THADA: variants seen among roughly 807,000 people sequenced by gnomAD.
THADA encodes the protein tRNA (32-2'-O)-methyltransferase regulator THADA.
In THADA, 213 loss-of-function variants were observed where a neutral mutation model predicts 219.8. The ratio of observed to expected loss-of-function variants is 0.97; its 90% CI spans 0.87 to 1.09. The LOEUF (loss-of-function observed/expected upper bound fraction) is 1.09. Ranked by LOEUF, THADA falls within the 50% of genes least tolerant of loss-of-function variation. The pLI is 0.00. For synonymous variants in THADA, 1,018 were observed against 828.9 expected (o/e 1.23, Z -3.92); for missense variants, 2,956 against 2,311.3 (o/e 1.28, Z -5.72).
chr2:43,232,562 T>C lies in THADA; in HGVS notation c.5466+151A>G, dbSNP rs998073250. ...AGAAGTCAGCCTAAGAGTGTCCCCG[T>C]GTCCTCGGCAGCACCCAGTGGGTGA... On this transcript the variant is annotated intron_variant, in intron 37 of 37. Transcript: ENST00000405975. 3 of 798,300 alleles carry C rather than the reference T, an allele frequency of 3.8e-6. No homozygotes were observed. The African/African-American group carries it at 5.2e-5, about 14-fold the overall frequency. The allele number at this position is 798,300 out of a possible 1,614,324, so 49.5% of individuals were successfully genotyped here.
chr2:43,375,620 T>G (rs1170372207), intron 29 of THADA, among the ~76,000 whole-genome samples: 1 of 152,204 alleles, frequency 6.6e-6, no homozygotes, highest in Non-Finnish European at 1.5e-5. Flanking sequence ...CAAAATAATT[T>G]TACACAGAGG....
intron 30 of THADA, among the ~76,000 whole-genome samples, chr2:43,327,574 T>C (rs1679482441): frequency 6.6e-6 from 1 of 152,116 alleles, no homozygotes; most frequent in South Asian, 2.1e-4. Flanking sequence ...TCCCTCCACT[T>C]GACACATATC....
chr2:43,309,307 T>G (rs188153756), intron 31 of THADA, among the ~76,000 whole-genome samples: 11 of 152,356 alleles, frequency 7.2e-5, no homozygotes, highest in African/African-American at 2.6e-4. Context: ...TAAACAATCC[T>G]TATCATATGA....
intron 31 of THADA, among the ~76,000 whole-genome samples, chr2:43,319,668 C>T (rs1350202807): frequency 1.3e-5 from 2 of 152,198 alleles, no homozygotes; most frequent in African/African-American, 2.4e-5. Context: ...GCCTGGTCTG[C>T]TTGCACTCAG....
chr2:43,568,903 AT>A (rs573398906), intron 14 of THADA, among the ~76,000 whole-genome samples: 2 of 152,066 alleles, frequency 1.3e-5, no homozygotes, highest in African/African-American at 2.4e-5. Context: ...ATTAAAAAAA[AT>A]TTTTTTAACT....
intron 26 of THADA, among the ~76,000 whole-genome samples, chr2:43,432,417 G>C (rs1269043190): frequency 2.0e-5 from 3 of 149,208 alleles, no homozygotes. Flanking sequence ...GAATCTGTAA[G>C]TTTGTTTATT....
intron 22 of THADA, among the ~76,000 whole-genome samples, chr2:43,514,350 C>T (rs769259310): frequency 6.7e-6 from 1 of 149,972 alleles, no homozygotes; most frequent in Admixed American, 6.7e-5. Context: ...ACTTGGGAGG[C>T]TGAGGTGGGA....
chr2:43,248,422 G>C (rs773498193), intron 36 of THADA, among the ~76,000 whole-genome samples: 2 of 151,892 alleles, frequency 1.3e-5, no homozygotes, highest in Non-Finnish European at 2.9e-5. Flanking sequence ...AGTACAGATG[G>C]GGTTTTGCCA....
chr2:43,557,344 C>A (rs1390256656), intron 16 of THADA, among the ~76,000 whole-genome samples: 1 of 152,202 alleles, frequency 6.6e-6, no homozygotes, highest in Non-Finnish European at 1.5e-5. Context: ...ACTATCTTTA[C>A]TATTTCTAGA....
At chr2:43,444,421 C>T (rs931425310) in intron 26 of THADA, among the ~76,000 whole-genome samples, 8 of 152,212 alleles carry the variant, frequency 5.3e-5, no homozygotes, top group African/African-American at 1.9e-4. Flanking sequence ...TGGAACGCTG[C>T]TACTCCAGCT....
chr2:43,368,539 G>C (rs1670432441), intron 29 of THADA, among the ~76,000 whole-genome samples: 1 of 151,964 alleles, frequency 6.6e-6, no homozygotes, highest in Non-Finnish European at 1.5e-5. Flanking sequence ...TGGAACTGCA[G>C]GTGTGTGCCA....
At chr2:43,315,772 C>G (rs917763115) in intron 31 of THADA, among the ~76,000 whole-genome samples, 2 of 152,210 alleles carry the variant, frequency 1.3e-5, no homozygotes, top group East Asian at 3.8e-4. Flanking sequence ...CAGCCAGTTA[C>G]ATTATTTTGG....
chr2:43,475,366 C>A (rs1371864162), intron 26 of THADA, among the ~76,000 whole-genome samples: 2 of 147,890 alleles, frequency 1.4e-5, no homozygotes, highest in Non-Finnish European at 3.0e-5. Context: ...TTGCAGTGAG[C>A]CAAGGTTGTG....
At chr2:43,552,143 G>C (rs999770824) in intron 18 of THADA, 61 bp downstream of exon 18, 135 of 1,557,996 alleles carry the variant, frequency 8.7e-5, no homozygotes, top group Non-Finnish European at 1.6e-5. Flanking sequence ...ATTCCAACCA[G>C]AGGTTAAAGC....
chr2:43,273,780 A>C (rs1672406896), intron 36 of THADA, among the ~76,000 whole-genome samples: 2 of 151,964 alleles, frequency 1.3e-5, no homozygotes, highest in African/African-American at 4.8e-5. Context: ...AGGCCTTTCT[A>C]TCTCTCTCCT....
At chr2:43,450,163 C>T (rs1301604909) in intron 26 of THADA, among the ~76,000 whole-genome samples, 5 of 152,114 alleles carry the variant, frequency 3.3e-5, no homozygotes, top group African/African-American at 1.2e-4. Context: ...TATAACTCCA[C>T]TTTTTGTAAT....
intron 21 of THADA, among the ~76,000 whole-genome samples, chr2:43,539,639 T>C (rs971974869): frequency 2.6e-5 from 4 of 152,224 alleles, no homozygotes; most frequent in African/African-American, 9.7e-5. Context: ...CTCACGCCTA[T>C]GTATGTGAGG....
In THADA at chr2:43,556,418, G is replaced by A. The variant is rs769560493; in HGVS notation, c.2601C>T (p.Ala867=). ...CACATGCAACTTGCTGAGTTAAGTA[G>A]GCAGACAAGGATGACGGTAGAGCAT... ...WQDALPSSLS[A]YLTQQVACDN... is the part of the protein sequence containing the mutation. The change falls in exon 17 of 38, where the codon GCC becomes GCT. Residue 867 remains alanine, a synonymous_variant. Coordinates refer to ENST00000405975, the MANE Select transcript of THADA (RefSeq NM_022065.5). The A allele has an allele frequency of 1.2e-6, 2 of 1,613,834 alleles. No homozygotes were observed. Among genetic ancestry groups the A allele is most frequent in the Non-Finnish European group, 1.7e-6 (2 of 1,179,826 alleles).
chr2:43,267,918 AG>A (rs1558491696), intron 36 of THADA, among the ~76,000 whole-genome samples: 2 of 152,338 alleles, frequency 1.3e-5, no homozygotes, highest in Non-Finnish European at 2.9e-5. Flanking sequence ...AAAATACTTC[AG>A]AAAGTCCATT....
Sources: gnomAD v4.1 joint callset for allele counts (sites outside exome capture counted in the v4.1 genomes callset) on GRCh38, gnomAD v4.1.1 for gene constraint, MANE v1.5 for transcripts, NCBI Gene and HGNC (gene_info 2026-07-23, HGNC 2026-07-21) for gene names.